Variants in PTPRM observed in about 807,000 individuals in gnomAD.
PTPRM encodes receptor-type tyrosine-protein phosphatase mu.
A neutral mutation model predicts 186.7 loss-of-function variants in PTPRM; 47 were observed. That is an observed-to-expected ratio of 0.25 (90% CI 0.20 to 0.32). The LOEUF (loss-of-function observed/expected upper bound fraction) is 0.32, where lower values mean the gene tolerates loss of function less well. Ranked by LOEUF, PTPRM falls within the 10% of genes least tolerant of loss-of-function variation. The pLI, the probability that PTPRM is intolerant of heterozygous loss-of-function variation, is 1.00. For synonymous variants in PTPRM, 668 were observed against 674.9 expected, an observed-to-expected ratio of 0.99 and a Z score of 0.16; for missense variants, 1,494 against 1,865.0, an observed-to-expected ratio of 0.80 and a Z score of 3.66.
At chr18:8,024,522 A>C (rs1281199633) in intron 7 of PTPRM, among the ~76,000 whole-genome samples, 1 of 152,110 alleles carries the variant, frequency 6.6e-6, no homozygotes, top group Non-Finnish European at 1.5e-5. Context: ...ATGCCAGGAC[A>C]ACATGCTTAA....
At chr18:7,599,653 G>A (rs965634491) in intron 1 of PTPRM, among the ~76,000 whole-genome samples, 1 of 152,114 alleles carries the variant, frequency 6.6e-6, no homozygotes, top group African/African-American at 2.4e-5. Context: ...TTCAAATGTA[G>A]CACCCTGCTA....
chr18:8,006,247 A>T (rs1284131006), intron 7 of PTPRM, among the ~76,000 whole-genome samples: 1 of 152,218 alleles, frequency 6.6e-6, no homozygotes, highest in Non-Finnish European at 1.5e-5. Context: ...ACATTTATAA[A>T]TACTTTGAAG....
chr18:7,907,885 T>C (rs371357057), intron 4 of PTPRM, among the ~76,000 whole-genome samples: 1 of 149,230 alleles, frequency 6.7e-6, no homozygotes, highest in Non-Finnish European at 1.5e-5. Context: ...AATTTCTCTG[T>C]ATTCTTTTTT....
At chr18:8,110,427 A>C (rs1194032991) in intron 11 of PTPRM, among the ~76,000 whole-genome samples, 1 of 152,168 alleles carries the variant, frequency 6.6e-6, no homozygotes, top group African/African-American at 2.4e-5. Flanking sequence ...AACTACATTT[A>C]AGTGGCAAAC....
intron 23 of PTPRM, chr18:8,366,896 C>A (rs1236885317): frequency 6.6e-6 from 1 of 152,244 alleles, no homozygotes; most frequent in East Asian, 1.9e-4. Flanking sequence ...CTCCTAGAAG[C>A]TGTGCAGGTA....
intron 1 of PTPRM, among the ~76,000 whole-genome samples, chr18:7,601,454 T>G (rs985480478): frequency 1.3e-5 from 2 of 152,214 alleles, no homozygotes; most frequent in Admixed American, 1.3e-4. Context: ...GGAGTCAAGG[T>G]GTGAGCAGCT....
chr18:7,689,571 A>T, intron 1 of PTPRM, among the ~76,000 whole-genome samples: 1 of 152,228 alleles, frequency 6.6e-6, no homozygotes, highest in East Asian at 1.9e-4. Flanking sequence ...TTTTTTAATC[A>T]ACTTGATCTC....
At chr18:7,916,606 C>T (rs2050571110) in intron 4 of PTPRM, among the ~76,000 whole-genome samples, 1 of 151,832 alleles carries the variant, frequency 6.6e-6, no homozygotes, top group Admixed American at 6.6e-5. Flanking sequence ...GAGCTGAGTC[C>T]TTTTCTTTTT....
intron 14 of PTPRM, among the ~76,000 whole-genome samples, chr18:8,155,940 T>G (rs1219577501): frequency 1.3e-5 from 2 of 152,236 alleles, no homozygotes. Flanking sequence ...GACAATTATT[T>G]AAAATATGTG....
chr18:8,204,020 C>T (rs1378561573), intron 14 of PTPRM, among the ~76,000 whole-genome samples: 2 of 152,110 alleles, frequency 1.3e-5, no homozygotes, highest in Non-Finnish European at 2.9e-5. Context: ...TTCACCTAAG[C>T]CACATGCCAA....
At chr18:7,770,678 G>A (rs2042231854) in intron 1 of PTPRM, among the ~76,000 whole-genome samples, 1 of 146,924 alleles carries the variant, frequency 6.8e-6, no homozygotes, top group Non-Finnish European at 1.5e-5. Context: ...GGATATGCGT[G>A]TGTTTGACTC....
chr18:7,828,988 A>G (rs976521999), intron 2 of PTPRM, among the ~76,000 whole-genome samples: 4 of 152,184 alleles, frequency 2.6e-5, no homozygotes, highest in Non-Finnish European at 5.9e-5. Flanking sequence ...TAGAGTTCCA[A>G]TAGTTTACAT....
intron 1 of PTPRM, among the ~76,000 whole-genome samples, chr18:7,722,623 G>T (rs1158140043): frequency 2.0e-5 from 3 of 151,244 alleles, no homozygotes; most frequent in African/African-American, 7.3e-5. Context: ...TGACAGGTTT[G>T]CCAGTGGCAA....
chr18:7,572,218 G>T (rs2036581435), intron 1 of PTPRM, among the ~76,000 whole-genome samples: 1 of 152,086 alleles, frequency 6.6e-6, no homozygotes, highest in African/African-American at 2.4e-5. Context: ...CAGATTTTAA[G>T]AAAAGAATCT....
chr18:7,868,066 C>G (rs573278009), intron 2 of PTPRM, among the ~76,000 whole-genome samples: 1 of 152,176 alleles, frequency 6.6e-6, no homozygotes, highest in Non-Finnish European at 1.5e-5. Flanking sequence ...ATGTTCTTCT[C>G]TAAACTGGTT....
At chr18:8,021,081 T>C (rs897259340) in intron 7 of PTPRM, among the ~76,000 whole-genome samples, 2 of 151,992 alleles carry the variant, frequency 1.3e-5, no homozygotes, top group African/African-American at 2.4e-5. Flanking sequence ...TCAAGAAAGG[T>C]TTTAGAGCCT....
chr18:7,901,703 A>G (rs2049698123), intron 3 of PTPRM, among the ~76,000 whole-genome samples: 1 of 152,198 alleles, frequency 6.6e-6, no homozygotes. Context: ...TTAGAAAAAA[A>G]ACAAAGGGAA....
chr18:7,985,097 TTA>T (rs955348248), intron 7 of PTPRM, among the ~76,000 whole-genome samples: 4 of 128,354 alleles, frequency 3.1e-5, no homozygotes, highest in African/African-American at 1.2e-4. Context: ...ATACATATAA[TTA>T]TATATACATA....
intron 1 of PTPRM, among the ~76,000 whole-genome samples, chr18:7,596,391 G>A (rs752053868): frequency 6.6e-6 from 1 of 152,160 alleles, no homozygotes; most frequent in Non-Finnish European, 1.5e-5. Context: ...ATGTCACAAT[G>A]CCTTGTCTTT....
Sources: gnomAD v4.1 joint callset for allele counts (sites outside exome capture counted in the v4.1 genomes callset) on GRCh38, gnomAD v4.1.1 for gene constraint, MANE v1.5 for transcripts, NCBI Gene and HGNC (gene_info 2026-07-23, HGNC 2026-07-21) for gene names.